The following EXOC6B variants were observed in gnomAD, a reference collection of about 807,000 sequenced individuals.
EXOC6B encodes the protein SEC15 homolog B.
Under a neutral mutation model 113.5 loss-of-function variants are expected in EXOC6B, and 54 were observed. The ratio of observed to expected loss-of-function variants is 0.48; its 90% CI spans 0.38 to 0.60. The LOEUF (loss-of-function observed/expected upper bound fraction) is 0.60, where lower values mean the gene tolerates loss of function less well. Ranked by LOEUF, EXOC6B falls within the 20% of genes least tolerant of loss-of-function variation. EXOC6B has a pLI of 0.00. For missense variants in EXOC6B, 797 were observed against 977.5 expected, an observed-to-expected ratio of 0.82 and a Z score of 2.46; for synonymous variants, 357 against 339.0, an observed-to-expected ratio of 1.05 and a Z score of -0.58.
At chr2:72,307,905 G>C (rs1485453792) in intron 20 of EXOC6B, among the ~76,000 whole-genome samples, 1 of 152,086 alleles carries the variant, frequency 6.6e-6, no homozygotes, top group Non-Finnish European at 1.5e-5. Context: ...ATAACACAAA[G>C]AGTAAACTTA....
intron 19 of EXOC6B, among the ~76,000 whole-genome samples, chr2:72,356,079 C>T (rs916787066): frequency 6.6e-6 from 1 of 152,078 alleles, no homozygotes; most frequent in Non-Finnish European, 1.5e-5. Context: ...TATAAGAATT[C>T]CTTAGTATGA....
chr2:72,741,543 A>G, intron 1 of EXOC6B, 74 bp from the exon 2 acceptor site: 1 of 1,394,814 alleles, frequency 7.2e-7, no homozygotes, highest in South Asian at 1.4e-5. Flanking sequence ...TAAATCCAGA[A>G]GCAAATTTAG....
At chr2:72,655,688 C>T (rs1674525599) in intron 6 of EXOC6B, among the ~76,000 whole-genome samples, 1 of 151,904 alleles carries the variant, frequency 6.6e-6, no homozygotes, top group Non-Finnish European at 1.5e-5. Context: ...TGGCAATAAG[C>T]ACTAAAATAT....
intron 8 of EXOC6B, among the ~76,000 whole-genome samples, chr2:72,539,244 C>G (rs903501126): frequency 2.0e-5 from 3 of 152,110 alleles, no homozygotes; most frequent in Admixed American, 1.3e-4. Context: ...TTCTTCTGCC[C>G]TGTTATTTCT....
intron 6 of EXOC6B, among the ~76,000 whole-genome samples, chr2:72,619,031 G>A (rs958253928): frequency 6.6e-6 from 1 of 152,150 alleles, no homozygotes; most frequent in Non-Finnish European, 1.5e-5. Flanking sequence ...GAGAAGCTTT[G>A]TTGCTCTTAA....
chr2:72,583,711 G>GT (rs1039900590), intron 6 of EXOC6B, among the ~76,000 whole-genome samples: 40 of 144,758 alleles, frequency 2.8e-4, no homozygotes, highest in African/African-American at 9.9e-4. Context: ...AAGTTCTCTG[G>GT]TTTTTTTTGT....
chr2:72,550,903 C>CATTT (rs1165752103), intron 8 of EXOC6B, among the ~76,000 whole-genome samples: 14 of 150,382 alleles, frequency 9.3e-5, no homozygotes, highest in African/African-American at 2.7e-4. Flanking sequence ...AGATAACTGC[C>CATTT]ATTTATTTTT....
At chr2:72,602,866 T>C (rs775030477) in intron 6 of EXOC6B, among the ~76,000 whole-genome samples, 2 of 152,158 alleles carry the variant, frequency 1.3e-5, no homozygotes, top group African/African-American at 2.4e-5. Flanking sequence ...ATGAAATTAA[T>C]CACAGCCATC....
chr2:72,707,357 T>C (rs1428211883), intron 6 of EXOC6B, among the ~76,000 whole-genome samples: 4 of 152,092 alleles, frequency 2.6e-5, no homozygotes, highest in Non-Finnish European at 4.4e-5. Flanking sequence ...ATTTCTTCCA[T>C]GGCACTTATC....
At chr2:72,203,708 G>A (rs1382786222) in intron 20 of EXOC6B, among the ~76,000 whole-genome samples, 1 of 152,112 alleles carries the variant, frequency 6.6e-6, no homozygotes. Flanking sequence ...CCTGATATTG[G>A]AGAATGAATT....
chr2:72,629,133 T>G (rs963936475), intron 6 of EXOC6B, among the ~76,000 whole-genome samples: 1 of 152,230 alleles, frequency 6.6e-6, no homozygotes, highest in Non-Finnish European at 1.5e-5. Flanking sequence ...TAGAATGCTA[T>G]TCTATTTTCT....
At chr2:72,797,148 A>G (rs1255809712) in intron 1 of EXOC6B, among the ~76,000 whole-genome samples, 1 of 152,202 alleles carries the variant, frequency 6.6e-6, no homozygotes, top group Admixed American at 6.5e-5. Flanking sequence ...TGACCACACC[A>G]TAATTTTCTT....
chr2:72,275,707 TATTCA>T (rs1684772490), intron 20 of EXOC6B, among the ~76,000 whole-genome samples: 1 of 152,212 alleles, frequency 6.6e-6, no homozygotes, highest in Non-Finnish European at 1.5e-5. Flanking sequence ...GGTCTCTGGG[TATTCA>T]ATAAAGCAAG....
At chr2:72,713,558 A>G (rs1048427448) in intron 6 of EXOC6B, among the ~76,000 whole-genome samples, 6 of 151,904 alleles carry the variant, frequency 3.9e-5, no homozygotes, top group African/African-American at 9.7e-5. Context: ...CATTAGGTAT[A>G]TCTCCTAAAG....
intron 6 of EXOC6B, among the ~76,000 whole-genome samples, chr2:72,588,137 T>A (rs1313786737): frequency 1.3e-5 from 2 of 152,110 alleles, no homozygotes; most frequent in Non-Finnish European, 2.9e-5. Context: ...TCAAAAATAT[T>A]TAAAATGAAA....
intron 6 of EXOC6B, among the ~76,000 whole-genome samples, chr2:72,693,203 T>C (rs1412433414): frequency 6.6e-6 from 1 of 151,548 alleles, no homozygotes; most frequent in South Asian, 2.1e-4. Flanking sequence ...ATATAACACA[T>C]CTCAGAAAAC....
chr2:72,821,604 A>G (rs1256678190), intron 1 of EXOC6B, among the ~76,000 whole-genome samples: 1 of 152,184 alleles, frequency 6.6e-6, no homozygotes, highest in African/African-American at 2.4e-5. Flanking sequence ...AAAATGTGGT[A>G]TATCCACACA....
At chr2:72,475,335 A>G (rs1698671098) in intron 17 of EXOC6B, among the ~76,000 whole-genome samples, 1 of 152,174 alleles carries the variant, frequency 6.6e-6, no homozygotes, top group Admixed American at 6.5e-5. Flanking sequence ...GCAGTGGCAG[A>G]AACATCCTCT....
chr2:72,570,632 A>T (rs1294485759), intron 7 of EXOC6B, among the ~76,000 whole-genome samples: 1 of 152,194 alleles, frequency 6.6e-6, no homozygotes, highest in Non-Finnish European at 1.5e-5. Context: ...TGGTAAATAA[A>T]TTAAGAGAGG....
Sources: allele counts gnomAD v4.1 joint callset (sites outside exome capture counted in the v4.1 genomes callset), GRCh38; gene constraint gnomAD v4.1.1; transcripts MANE v1.5; gene names NCBI Gene and HGNC (gene_info 2026-07-23, HGNC 2026-07-21).